The following TRPM1 variants were observed in gnomAD, a reference collection of about 807,000 sequenced individuals.
TRPM1 encodes the protein transient receptor potential cation channel subfamily M member 1.
In TRPM1, 113 loss-of-function variants were observed where a neutral mutation model predicts 149.4. The ratio of observed to expected loss-of-function variants is 0.76; its 90% CI spans 0.65 to 0.88. TRPM1 has a LOEUF of 0.88. Among genes scored for constraint, TRPM1 ranks in the 40% least tolerant of loss-of-function variants. The pLI, the probability that TRPM1 is intolerant of heterozygous loss-of-function variation, is 0.00. For synonymous variants in TRPM1, 741 were observed against 759.5 expected, an observed-to-expected ratio of 0.98 and a Z score of 0.40; for missense variants, 1,976 against 2,038.7, an observed-to-expected ratio of 0.97 and a Z score of 0.59.
intron 27 of TRPM1, among the ~76,000 whole-genome samples, chr15:31,012,988 C>CTTTTTTTTTTTT (rs569663527): frequency 9.1e-6 from 1 of 110,412 alleles, no homozygotes; most frequent in Non-Finnish European, 1.9e-5. Context: ...TTTTTTTTTT[C>CTTTTTTTTTTTT]TTTTTTTTTT....
upstream of TRPM1, among the ~76,000 whole-genome samples, chr15:31,104,743 G>A (rs186225105): frequency 1.7e-4 from 26 of 151,984 alleles, no homozygotes; most frequent in East Asian, 1.5e-3. Flanking sequence ...ACAGGTGCCT[G>A]CCACCACGCC....
intron 1 of TRPM1, among the ~76,000 whole-genome samples, chr15:31,132,852 C>G (rs6493475): frequency 0.31 from 47,328 of 152,054 alleles, 7,598 homozygotes; most frequent in South Asian, 0.42. Context: ...GGGCAGTTCC[C>G]CTGCACTCTC....
chr15:31,113,672 C>A (rs1280193784), intron 1 of TRPM1, among the ~76,000 whole-genome samples: 1 of 151,828 alleles, frequency 6.6e-6, no homozygotes, highest in Non-Finnish European at 1.5e-5. Flanking sequence ...CTCCATCACC[C>A]ACGTTTTAAG....
In TRPM1 at chr15:31,038,171, G is replaced by A. The variant is rs1415131285; in HGVS notation, c.2317-5C>T. ...TAGAAGAATCCCCATGATAACCTAC[G>A]GAACATAAATTGATTTTTTAAGCTG... On this transcript the variant is annotated splice_region_variant and splice_polypyrimidine_tract_variant and intron_variant, in intron 18 of 27. Coordinates refer to ENST00000256552, the MANE Select transcript of TRPM1 (RefSeq NM_001252024.2). 19 of 1,613,694 alleles carry A rather than the reference G, an allele frequency of 1.2e-5. No homozygotes were observed. Among genetic ancestry groups the A allele is most frequent in the Admixed American group, 3.3e-5 (2 of 59,984 alleles).
chr15:31,113,463 G>A (rs1012422448), intron 1 of TRPM1, among the ~76,000 whole-genome samples: 3 of 151,110 alleles, frequency 2.0e-5, no homozygotes, highest in African/African-American at 7.3e-5. Flanking sequence ...CTAAGGTATA[G>A]AGATAAAAAT....
chr15:31,117,700 T>C (rs1451481734), intron 1 of TRPM1, among the ~76,000 whole-genome samples: 1 of 120,962 alleles, frequency 8.3e-6, no homozygotes, highest in Admixed American at 8.1e-5. Context: ...ACACACACAC[T>C]AAGGGCTCTA....
intron 24 of TRPM1, among the ~76,000 whole-genome samples, chr15:31,028,768 A>G (rs2032917590): frequency 6.6e-6 from 1 of 151,912 alleles, no homozygotes; most frequent in Non-Finnish European, 1.5e-5. Flanking sequence ...AAAAAAAAAC[A>G]ACTCACACAA....
chr15:31,012,755 G>A (rs2032230634), intron 27 of TRPM1, among the ~76,000 whole-genome samples: 2 of 151,896 alleles, frequency 1.3e-5, no homozygotes, highest in Admixed American at 6.6e-5. Flanking sequence ...ATGTTGTTCT[G>A]CTGGATGGTG....
intron 3 of TRPM1, among the ~76,000 whole-genome samples, chr15:31,072,822 G>T (rs181388511): frequency 1.3e-5 from 2 of 152,008 alleles, no homozygotes; most frequent in Non-Finnish European, 2.9e-5. Flanking sequence ...ATCTTCTTTG[G>T]AAAGATGTCT....
Position 31,040,379 on chromosome 15 carries a change from C to T in TRPM1, c.2088-33G>A, listed in dbSNP as rs1438511727. Reference sequence around the variant, plus strand: ...GAAAGAGAAGGGACCAGGGTGAAGCCACAGTGGCCGCAAGCTGTTTCTTAG... The same window carrying T: ...GAAAGAGAAGGGACCAGGGTGAAGCTACAGTGGCCGCAAGCTGTTTCTTAG... On this transcript the variant is annotated intron_variant, in intron 17 of 27. Transcript: ENST00000256552. The surrounding 1 kb of genome is among the most constrained non-coding windows in gnomAD (Gnocchi z 4.2). The T allele has an allele frequency of 6.3e-7, 1 of 1,589,856 alleles. No individual in the cohort carries two copies. Among genetic ancestry groups the T allele is most frequent in the Admixed American group, 1.7e-5 (1 of 59,914 alleles).
intron 14 of TRPM1, among the ~76,000 whole-genome samples, 198 bp from the exon 15 acceptor site, chr15:31,047,449 A>G (rs866286204): frequency 2.6e-5 from 4 of 152,224 alleles, no homozygotes; most frequent in Non-Finnish European, 5.9e-5. Context: ...AGGGCCAAGA[A>G]CAGCAGCTGC....
At chr15:31,005,846 C>A (rs2031969533) in intron 27 of TRPM1, among the ~76,000 whole-genome samples, 1 of 152,144 alleles carries the variant, frequency 6.6e-6, no homozygotes, top group African/African-American at 2.4e-5. Flanking sequence ...GTTTCACAAA[C>A]CTTGACACCC....
intron 1 of TRPM1, among the ~76,000 whole-genome samples, chr15:31,113,017 C>G (rs569589517): frequency 6.2e-4 from 95 of 152,298 alleles, no homozygotes; most frequent in African/African-American, 2.2e-3. Flanking sequence ...GGTAAGTGTT[C>G]CGTGTTGGAG....
chr15:31,155,780 A>G (rs930631328), intron 1 of TRPM1, among the ~76,000 whole-genome samples: 2 of 152,118 alleles, frequency 1.3e-5, no homozygotes, highest in African/African-American at 4.8e-5. Flanking sequence ...CCAAATTCCT[A>G]TCTAAGGGAC....
At chr15:31,072,014 T>TAGAGAGAGAGAGAGAG (rs1320448721) in intron 3 of TRPM1, among the ~76,000 whole-genome samples, 2 of 28,284 alleles carry the variant, frequency 7.1e-5, no homozygotes, top group African/African-American at 2.6e-4. Context: ...TATATATATA[T>TAGAGAGAGAGAGAGAG]ATATAGAGAG....
intron 17 of TRPM1, among the ~76,000 whole-genome samples, chr15:31,041,590 G>T (rs2033619594): frequency 6.6e-6 from 1 of 152,096 alleles, no homozygotes; most frequent in South Asian, 2.1e-4. Flanking sequence ...ACCTGTGAAG[G>T]TCACAGTCCA....
At chr15:31,088,724 A>C (rs2035092642) in intron 1 of TRPM1, among the ~76,000 whole-genome samples, 1 of 151,364 alleles carries the variant, frequency 6.6e-6, no homozygotes, top group African/African-American at 2.4e-5. Context: ...AGATTGACTG[A>C]AGCGGCGGTA....
At chr15:31,076,036 T>C (rs2034677985) in intron 3 of TRPM1, among the ~76,000 whole-genome samples, 1 of 152,168 alleles carries the variant, frequency 6.6e-6, no homozygotes, top group Non-Finnish European at 1.5e-5. Flanking sequence ...GGATGGCCTA[T>C]GTGCCATTGA....
intron 11 of TRPM1, among the ~76,000 whole-genome samples, chr15:31,053,631 C>T (rs1337574006): frequency 1.3e-5 from 2 of 152,164 alleles, no homozygotes; most frequent in Non-Finnish European, 2.9e-5. Context: ...AACTGGAACC[C>T]TGTGCACTGT....
Sources: gnomAD v4.1 joint callset for allele counts (sites outside exome capture counted in the v4.1 genomes callset) on GRCh38, gnomAD v4.1.1 for gene constraint, Gnocchi (gnomAD v3.1) non-coding constraint, MANE v1.5 for transcripts, NCBI Gene and HGNC (gene_info 2026-07-23, HGNC 2026-07-21) for gene names.